The following AFF3 variants were observed in gnomAD, a reference collection of about 807,000 sequenced individuals.
AFF3 encodes ALF transcription elongation factor 3.
A neutral mutation model predicts 129.7 loss-of-function variants in AFF3; 32 were observed. The observed-to-expected ratio is 0.25, with a 90% confidence interval of 0.19 to 0.33. The LOEUF (loss-of-function observed/expected upper bound fraction) is 0.33. Among genes scored for constraint, AFF3 ranks in the 10% least tolerant of loss-of-function variants. The pLI is 1.00. For synonymous variants in AFF3, 644 were observed against 635.4 expected (o/e 1.01, Z -0.20); for missense variants, 1,373 against 1,592.0 (o/e 0.86, Z 2.34).
intron 8 of AFF3, among the ~76,000 whole-genome samples, chr2:99,834,486 G>A (rs997243508): frequency 6.6e-6 from 1 of 152,150 alleles, no homozygotes; most frequent in African/African-American, 2.4e-5. Context: ...AATTGGAAAG[G>A]GAGCTGAAGG....
At chr2:99,617,638 A>C (rs949924609) in intron 13 of AFF3, among the ~76,000 whole-genome samples, 1 of 152,208 alleles carries the variant, frequency 6.6e-6, no homozygotes, top group African/African-American at 2.4e-5. Context: ...CTACAACACA[A>C]ACATTTCTAA....
chr2:99,590,887 G>C (rs1354105300), intron 15 of AFF3, among the ~76,000 whole-genome samples: 2 of 151,884 alleles, frequency 1.3e-5, no homozygotes, highest in Non-Finnish European at 2.9e-5. Flanking sequence ...AAGCTACTCG[G>C]GAGGCTGAGG....
At chr2:99,963,941 TACAA>T (rs147521650) in intron 7 of AFF3, among the ~76,000 whole-genome samples, 1,989 of 151,828 alleles carry the variant, frequency 0.013, 54 homozygotes, top group African/African-American at 0.046. Context: ...AGATATACCA[TACAA>T]ACAAATAAAA....
intron 7 of AFF3, among the ~76,000 whole-genome samples, chr2:99,980,656 C>A (rs558104594): frequency 6.6e-6 from 1 of 152,272 alleles, no homozygotes; most frequent in Admixed American, 6.5e-5. Context: ...TTTCCTTTAT[C>A]CAGGTTAATT....
chr2:99,855,759 T>C (rs1690479037), intron 7 of AFF3, among the ~76,000 whole-genome samples: 1 of 152,164 alleles, frequency 6.6e-6, no homozygotes, highest in South Asian at 2.1e-4. Context: ...CTGCCAATGG[T>C]GACTTCTTTC....
intron 7 of AFF3, among the ~76,000 whole-genome samples, chr2:99,896,379 A>G (rs376689044): frequency 1.3e-5 from 2 of 151,962 alleles, no homozygotes; most frequent in African/African-American, 4.8e-5. Flanking sequence ...GAAATATAGA[A>G]AGCCATCCTG....
chr2:99,719,377 G>C (rs1011057017), intron 11 of AFF3, among the ~76,000 whole-genome samples: 7 of 152,074 alleles, frequency 4.6e-5, no homozygotes, highest in African/African-American at 1.7e-4. Flanking sequence ...TTTTGCATCA[G>C]TGTTTGTGCA....
intron 13 of AFF3, among the ~76,000 whole-genome samples, chr2:99,631,222 C>A (rs544912651): frequency 6.6e-6 from 1 of 152,334 alleles, no homozygotes; most frequent in South Asian, 2.1e-4. Flanking sequence ...AATGGTTAAG[C>A]TGGACTTCTC....
intron 21 of AFF3, among the ~76,000 whole-genome samples, chr2:99,559,518 A>G (rs1675279400): frequency 6.6e-6 from 1 of 152,234 alleles, no homozygotes; most frequent in Non-Finnish European, 1.5e-5. Context: ...TATTTCCTAT[A>G]ATATTTTGTA....
intron 7 of AFF3, among the ~76,000 whole-genome samples, chr2:99,930,888 G>C (rs1696626572): frequency 6.6e-6 from 1 of 152,158 alleles, no homozygotes; most frequent in African/African-American, 2.4e-5. Context: ...TCTGAGAGAT[G>C]TACATATTTT....
chr2:99,868,133 G>A (rs952146688), intron 7 of AFF3, among the ~76,000 whole-genome samples: 3 of 151,956 alleles, frequency 2.0e-5, no homozygotes, highest in African/African-American at 7.3e-5. Flanking sequence ...TTTTGAAAGA[G>A]TGCTGGGTTT....
At chr2:99,724,063 G>A (rs1575795151) in intron 11 of AFF3, among the ~76,000 whole-genome samples, 1 of 151,818 alleles carries the variant, frequency 6.6e-6, no homozygotes, top group African/African-American at 2.4e-5. Context: ...TGTTACTTTC[G>A]CCACCTACTT....
At chr2:100,014,897 C>T (rs1281964627) in intron 4 of AFF3, among the ~76,000 whole-genome samples, 1 of 150,494 alleles carries the variant, frequency 6.6e-6, no homozygotes, top group African/African-American at 2.5e-5. Flanking sequence ...GATTCTTTTG[C>T]CTCAGCCTCC....
chr2:99,779,979 A>G (rs2105373076), intron 8 of AFF3, among the ~76,000 whole-genome samples: 1 of 152,322 alleles, frequency 6.6e-6, no homozygotes, highest in South Asian at 2.1e-4. Context: ...ATTATAAGAA[A>G]AGATAAAGAA....
At chr2:99,565,713 C>T in intron 19 of AFF3, 90 bp from the exon 20 acceptor site, 1 of 1,387,878 alleles carries the variant, frequency 7.2e-7, no homozygotes, top group South Asian at 1.4e-5. Context: ...ATTTGAGAAA[C>T]CCAACTCTGA....
rs1674114597 is a variant in AFF3, at chr2:99,547,461, T to A, written c.*4013A>T. On this transcript the variant is annotated 3_prime_UTR_variant, in exon 25 of 25. Transcript: ENST00000672756. ...AGGAAATCACACGCAGATTACTGGG[T>A]CTGAAGAGTGTCTACATTGTTAAAA... 2 of 213,272 alleles carry A rather than the reference T, an allele frequency of 9.4e-6. No individual in the cohort carries two copies. Among genetic ancestry groups the A allele is most frequent in the Admixed American group, 1.2e-4 (2 of 16,988 alleles). 13.2% of individuals were successfully genotyped at this position (213,272 alleles called of 1,614,324 possible). A position where few individuals can be genotyped will look rare whatever the true frequency, so the allele number is the denominator to read the frequency against.
At chr2:99,966,039 A>G (rs1268743038) in intron 7 of AFF3, among the ~76,000 whole-genome samples, 3 of 152,190 alleles carry the variant, frequency 2.0e-5, no homozygotes, top group Admixed American at 6.5e-5. Context: ...AAAATCCAAG[A>G]TATTAAAATT....
intron 4 of AFF3, among the ~76,000 whole-genome samples, chr2:100,101,280 A>G (rs1452099532): frequency 6.6e-6 from 1 of 152,092 alleles, no homozygotes; most frequent in Non-Finnish European, 1.5e-5. Context: ...CTATAAGGAC[A>G]CTCTCTGTGA....
intron 7 of AFF3, among the ~76,000 whole-genome samples, chr2:99,846,242 G>T (rs1005281202): frequency 6.6e-6 from 1 of 152,062 alleles, no homozygotes. Flanking sequence ...TGATTCTCCT[G>T]TCCCAGCCTC....
Sources: gnomAD v4.1 joint callset for allele counts (sites outside exome capture counted in the v4.1 genomes callset) on GRCh38, gnomAD v4.1.1 for gene constraint, MANE v1.5 for transcripts, NCBI Gene and HGNC (gene_info 2026-07-23, HGNC 2026-07-21) for gene names.